The following ZNF236 variants were observed in gnomAD, a reference collection of about 807,000 sequenced individuals.
ZNF236 encodes zinc finger protein 236, also known as regulated by glucose.
In ZNF236, 50 loss-of-function variants were observed where a neutral mutation model predicts 191.2. The observed-to-expected ratio is 0.26, with a 90% CI of 0.21 to 0.33. The LOEUF (loss-of-function observed/expected upper bound fraction) is 0.33, where lower values mean the gene tolerates loss of function less well. Among genes scored for constraint, ZNF236 ranks in the 10% least tolerant of loss-of-function variants. The probability of loss-of-function intolerance (pLI) is 1.00; values close to 1 mark genes in which losing one functional copy is unlikely to be tolerated. For synonymous variants in ZNF236, 907 were observed against 928.8 expected (o/e 0.98, Z 0.43); for missense variants, 1,754 against 2,374.5 (o/e 0.74, Z 5.43).
rs1277890994 is a variant in ZNF236 at position 76,823,126 on chromosome 18, C to A, written c.55+464C>A. The stretch of plus-strand genomic sequence containing the variant: ...CCGGGCTCCTCCCGGACGGCGCCCC[C>A]GCCCGACCCTGCGCGGCGCCGGCTG... On this transcript the variant is annotated intron_variant, in intron 1 of 30. Transcript: ENST00000320610. Among the ~76,000 whole-genome samples, 4 of 151,628 alleles carry A rather than the reference C, an allele frequency of 2.6e-5. No homozygotes were observed. The East Asian group carries it at 7.8e-4, about 29-fold the overall frequency.
chr18:76,961,409 T>G (rs1422579912), intron 30 of ZNF236, among the ~76,000 whole-genome samples: 1 of 146,682 alleles, frequency 6.8e-6, no homozygotes, highest in Non-Finnish European at 1.5e-5. Context: ...GTGTGTGTAT[T>G]TATGTATATA....
intron 19 of ZNF236, among the ~76,000 whole-genome samples, chr18:76,918,491 C>A (rs986756922): frequency 3.9e-5 from 6 of 152,194 alleles, no homozygotes; most frequent in Non-Finnish European, 8.8e-5. Flanking sequence ...CTGGCACAAT[C>A]ATAATTCACT....
intron 26 of ZNF236, among the ~76,000 whole-genome samples, chr18:76,945,046 C>G (rs1287202984): frequency 2.1e-5 from 3 of 142,008 alleles, no homozygotes; most frequent in African/African-American, 9.1e-5. Context: ...TCCATCATCT[C>G]AAGGACCCCT....
rs111745619 is a variant in ZNF236, at chr18:76,847,474, A to AT, written c.56-2042dup. ...TTATTTTATTTATTTTTATTTATTT[A>AT]TTTTTTTTTTAGGCAGAGTCTCACT... On this transcript the variant is annotated intron_variant, in intron 1 of 30. Coordinates refer to ENST00000320610, the MANE Select transcript of ZNF236 (RefSeq NM_001306089.2). Among the ~76,000 whole-genome samples the AT allele has an allele frequency of 6.8e-3, 1,011 of 148,690 alleles. 10 individuals are homozygous for AT. Among genetic ancestry groups the AT allele is most frequent in the African/African-American group, 0.023 (926 of 40,656 alleles).
chr18:76,903,175 G>A (rs1977649324), intron 11 of ZNF236, among the ~76,000 whole-genome samples: 1 of 152,244 alleles, frequency 6.6e-6, no homozygotes, highest in Non-Finnish European at 1.5e-5. Flanking sequence ...GGTGAAATTG[G>A]TTGGGCTGTC....
chr18:76,933,418 C>T (rs1009249916), intron 25 of ZNF236, among the ~76,000 whole-genome samples: 4 of 151,190 alleles, frequency 2.6e-5, no homozygotes, highest in Admixed American at 6.6e-5. Flanking sequence ...TGCAGTGAGC[C>T]GAGATTGTGC....
chr18:76,926,727 CCATG>C (rs201999756), intron 22 of ZNF236, among the ~76,000 whole-genome samples: 30 of 2,288 alleles, frequency 0.013, no homozygotes, highest in East Asian at 0.019. Context: ...GGTGATTAGA[CCATG>C]TGTGTGTATG....
rs1157810078 is a variant in ZNF236, at chr18:76,868,758, G to T, written c.437G>T (p.Arg146Leu). Residue 146 changes from arginine to leucine, a missense_variant, in exon 4 of 31, where the codon CGC becomes CTC. Around this residue, in one of 5 missense-constraint regions of ZNF236, gnomAD observed 336 missense variants for 495.1 expected, o/e 0.68. Coordinates refer to ENST00000320610, the MANE Select transcript of ZNF236 (RefSeq NM_001306089.2). ...SQLAVHMEEH[R>L]QELAGTRQHA... ...CTGGCCGTGCACATGGAGGAGCACCGCCAGGAGCTGGCTGGAACCCGGCAG... is the reference window on the plus strand; with the variant it reads ...CTGGCCGTGCACATGGAGGAGCACCTCCAGGAGCTGGCTGGAACCCGGCAG... 1 of 1,613,910 alleles carries T rather than the reference G, an allele frequency of 6.2e-7. No individual in the cohort carries two copies. Among genetic ancestry groups the T allele is most frequent in the Non-Finnish European group, 8.5e-7 (1 of 1,179,910 alleles).
chr18:76,904,488 A>G lies in ZNF236; in HGVS notation c.2003A>G (p.Tyr668Cys). 5 of 1,606,122 alleles carry G rather than the reference A, an allele frequency of 3.1e-6. No individual in the cohort carries two copies. Among genetic ancestry groups the G allele is most frequent in the Non-Finnish European group, 4.2e-6 (5 of 1,176,616 alleles). Residue 668 changes from tyrosine to cysteine, a missense_variant, in exon 12 of 31, where the codon TAT becomes TGT. Around this residue, in one of 5 missense-constraint regions of ZNF236, gnomAD observed 641 missense variants for 869.6 expected, o/e 0.74. Transcript: ENST00000320610. Reference sequence around the variant, plus strand: ...AAGTGTTTTTACTGTCATCGTGCATATAAAAAATCTTGCCACCTTAAACAA... The same window carrying G: ...AAGTGTTTTTACTGTCATCGTGCATGTAAAAAATCTTGCCACCTTAAACAA... Reference protein sequence around the residue: ...PYKCFYCHRAYKKSCHLKQHI... With the variant: ...PYKCFYCHRACKKSCHLKQHI...
chr18:76,849,939 T>A (rs561703566), intron 2 of ZNF236, among the ~76,000 whole-genome samples: 104 of 152,358 alleles, frequency 6.8e-4, no homozygotes, highest in African/African-American at 2.3e-3. Context: ...ATATGACTTT[T>A]TAAAAGTAGT....
chr18:76,873,293 A>G (rs1976627497), intron 5 of ZNF236, among the ~76,000 whole-genome samples: 1 of 152,248 alleles, frequency 6.6e-6, no homozygotes, highest in Non-Finnish European at 1.5e-5. Flanking sequence ...TTACGCGTAC[A>G]TAAATATACC....
chr18:76,834,632 C>T (rs1374799629), intron 1 of ZNF236: 2 of 446,712 alleles, frequency 4.5e-6, no homozygotes, highest in Admixed American at 2.5e-5. Flanking sequence ...ATCCTTTTCC[C>T]GTTGCACCCA....
At chr18:76,893,522 T>A (rs1977309611) in intron 9 of ZNF236, among the ~76,000 whole-genome samples, 1 of 152,180 alleles carries the variant, frequency 6.6e-6, no homozygotes. Context: ...CTTTTTTTCT[T>A]TTTGAGACAG....
At chr18:76,822,785 G>C (rs902134427) in intron 1 of ZNF236, 123 bp downstream of exon 1, 9 of 145,126 alleles carry the variant, frequency 6.2e-5, no homozygotes, top group African/African-American at 2.0e-4. Flanking sequence ...GGGCCGCGCA[G>C]ACCCGGGCCG....
Position 76,908,546 on chromosome 18 carries a change from G to T in ZNF236, c.2524G>T (p.Ala842Ser). The change falls in exon 14 of 31, where the codon GCA becomes TCA. Residue 842 changes from alanine (A) to serine (S), a missense_variant. Physicochemically the swap from Ala to Ser is moderately conservative, Grantham distance 99. Coordinates refer to ENST00000320610, the MANE Select transcript of ZNF236 (RefSeq NM_001306089.2). Reference sequence around the variant, plus strand: ...GGAAGCAGGGCTGGGCCAGCAGTTGGCAGATCAGCCCCTGGAAGCAGATGA... The same window carrying T: ...GGAAGCAGGGCTGGGCCAGCAGTTGTCAGATCAGCCCCTGGAAGCAGATGA... ...TEEAGLGQQL[A>S]DQPLEADEDG... The T allele has an allele frequency of 1.9e-6, 3 of 1,611,200 alleles. No homozygotes were observed. Among genetic ancestry groups the T allele is most frequent in the Non-Finnish European group, 2.5e-6 (3 of 1,178,868 alleles).
chr18:76,915,188 G>A (rs2122782875), intron 18 of ZNF236, among the ~76,000 whole-genome samples: 1 of 152,320 alleles, frequency 6.6e-6, no homozygotes, highest in South Asian at 2.1e-4. Flanking sequence ...TTATTTGAAA[G>A]TAAAGCTGTA....
At chr18:76,872,558 A>C (rs948430693) in intron 5 of ZNF236, among the ~76,000 whole-genome samples, 1 of 152,252 alleles carries the variant, frequency 6.6e-6, no homozygotes, top group African/African-American at 2.4e-5. Context: ...TCACTACGCT[A>C]TGAAACATTG....
At position 76,923,210 on chromosome 18, in the gene ZNF236, T is replaced by C. The variant is rs750881158; in HGVS notation, c.3661+36T>C. ...CATGCCTGCGTCATTGGTAGAGGTC[T>C]TAGGATAGCATTTCGTATGTTTTGT... is the stretch of plus-strand genomic sequence containing the variant. On this transcript the variant is annotated intron_variant, in intron 21 of 30. Coordinates refer to ENST00000320610, the MANE Select transcript of ZNF236 (RefSeq NM_001306089.2). The C allele has an allele frequency of 6.6e-6, 9 of 1,364,108 alleles. No individual in the cohort carries two copies. The Admixed American group carries it at 1.4e-4, about 21-fold the overall frequency. 84.5% of individuals were successfully genotyped at this position (1,364,108 alleles called of 1,614,324 possible).
chr18:76,895,314 G>T, intron 10 of ZNF236, 29 bp downstream of exon 10: 2 of 1,593,436 alleles, frequency 1.3e-6, no homozygotes, highest in Non-Finnish European at 1.7e-6. Context: ...GCCCACACGG[G>T]CACTGGCCAC....
Sources: gnomAD v4.1 joint callset for allele counts (sites outside exome capture counted in the v4.1 genomes callset) on GRCh38, gnomAD v4.1.1 for gene constraint, gnomAD v4.1.1 regional missense constraint, MANE v1.5 for transcripts, NCBI Gene and HGNC (gene_info 2026-07-23, HGNC 2026-07-21) for gene names.